The following SLC16A7 variants were observed in gnomAD, a reference collection of about 807,000 sequenced individuals.
The protein encoded by SLC16A7 is monocarboxylate transporter 2.
Under a neutral mutation model 34.9 loss-of-function variants are expected in SLC16A7, and 33 were observed. That is an observed-to-expected ratio of 0.94 (90% CI 0.72 to 1.26). The LOEUF is 1.26. Ranked by LOEUF, SLC16A7 falls within the 50% of genes most tolerant of loss-of-function variation. SLC16A7 has a pLI of 0.00. For missense variants in SLC16A7, 573 were observed against 578.1 expected, an observed-to-expected ratio of 0.99 and a Z score of 0.09; for synonymous variants, 201 against 206.6, an observed-to-expected ratio of 0.97 and a Z score of 0.23.
chr12:59,758,833 G>T (rs1880694198), intron 3 of SLC16A7, among the ~76,000 whole-genome samples: 1 of 152,006 alleles, frequency 6.6e-6, no homozygotes, highest in South Asian at 2.1e-4. Flanking sequence ...ATCAATTTAT[G>T]ACAAATTCAT....
At chr12:59,634,223 G>A (rs192329761) in intron 1 of SLC16A7, among the ~76,000 whole-genome samples, 73 of 152,130 alleles carry the variant, frequency 4.8e-4, no homozygotes, top group Non-Finnish European at 9.7e-4. Context: ...GTAGCAGCAT[G>A]CACACTGTGT....
intron 5 of SLC16A7, among the ~76,000 whole-genome samples, chr12:59,776,985 A>C (rs1417349220): frequency 2.0e-5 from 3 of 152,144 alleles, no homozygotes; most frequent in Non-Finnish European, 4.4e-5. Flanking sequence ...TCTTATCCAC[A>C]CAATTCTTAG....
In SLC16A7 at chr12:59,789,244, T is replaced by C. The variant is rs1464275344; in HGVS notation, c.*9565T>C. Reference sequence around the variant, plus strand: ...GATTATTAAAATGCTACTACAGTATTCTACGATGCAGGCTGAATGTATATT... The same window carrying C: ...GATTATTAAAATGCTACTACAGTATCCTACGATGCAGGCTGAATGTATATT... On this transcript the variant is annotated 3_prime_UTR_variant, in exon 6 of 6. Coordinates refer to ENST00000547379, the MANE Select transcript of SLC16A7 (RefSeq NM_001270623.2). 6.6e-6 allele frequency: 1 copy of C among 152,146 alleles called. No homozygotes were observed. The highest frequency in any genetic ancestry group is 1.5e-5 in the Non-Finnish European group (1 of 67,982). The allele number at this position is 152,146 out of a possible 1,614,324, so 9.4% of individuals were successfully genotyped here.
chr12:59,699,496 G>C (rs1872652774), intron 2 of SLC16A7, among the ~76,000 whole-genome samples: 1 of 151,676 alleles, frequency 6.6e-6, no homozygotes, highest in African/African-American at 2.4e-5. Context: ...TGGTTTCAGT[G>C]TAAATTTCTA....
intron 2 of SLC16A7, among the ~76,000 whole-genome samples, chr12:59,691,106 G>T (rs1410848142): frequency 2.0e-5 from 3 of 151,982 alleles, no homozygotes; most frequent in Non-Finnish European, 1.5e-5. Context: ...AATATTTAAA[G>T]ATTTCAAAAT....
Position 59,732,324 on chromosome 12 carries a change from G to A in SLC16A7, c.217+27306G>A, listed in dbSNP as rs189083558. Among the ~76,000 whole-genome samples, 78 of 152,220 alleles carry A rather than the reference G, an allele frequency of 5.1e-4. 2 individuals carry two copies. Among genetic ancestry groups the A allele is most frequent in the Admixed American group, 4.6e-3 (70 of 15,288 alleles). On this transcript the variant is annotated intron_variant, in intron 3 of 5. Coordinates refer to ENST00000547379, the MANE Select transcript of SLC16A7 (RefSeq NM_001270623.2). The stretch of plus-strand genomic sequence containing the variant: ...AATCCCAGCTACTTGGGAGGCTGAG[G>A]CAGAAGAATTGCTTGAACCTGGGAG...
chr12:59,742,689 C>T (rs1423244134), intron 3 of SLC16A7, among the ~76,000 whole-genome samples: 1 of 152,296 alleles, frequency 6.6e-6, no homozygotes, highest in Non-Finnish European at 1.5e-5. Flanking sequence ...AAGAGAAACA[C>T]TTATCAAAAT....
rs570990798 is a variant in SLC16A7, at chr12:59,784,115, C to T, written c.*4436C>T. The T allele has an allele frequency of 1.2e-4, 19 of 152,172 alleles. No individual in the cohort carries two copies. The highest frequency in any genetic ancestry group is 4.6e-4 in the African/African-American group (19 of 41,500). The allele number at this position is 152,172 out of a possible 1,614,324, so 9.4% of individuals were successfully genotyped here. A position where few individuals can be genotyped will look rare whatever the true frequency, so the allele number is the denominator to read the frequency against. ...AAAATAATGACATATTTGAGTCAGG[C>T]ATAATACATTTTTTCTGAGGTTGGA... is the stretch of plus-strand genomic sequence containing the variant. On this transcript the variant is annotated 3_prime_UTR_variant, in exon 6 of 6. Coordinates refer to ENST00000547379, the MANE Select transcript of SLC16A7 (RefSeq NM_001270623.2).
At chr12:59,667,256 A>C (rs960875741) in intron 2 of SLC16A7, among the ~76,000 whole-genome samples, 1 of 152,170 alleles carries the variant, frequency 6.6e-6, no homozygotes, top group African/African-American at 2.4e-5. Context: ...ACACAGCCAA[A>C]CCATATCAGG....
Position 59,614,754 on chromosome 12 carries a change from C to T in SLC16A7, c.-130+18518C>T, listed in dbSNP as rs573133360. ...AATCCCACCCAGCACTTTGGGAGGCCGAAGCGGGTGGATCACGAGGTCAGG... is the reference window on the plus strand; with the variant it reads ...AATCCCACCCAGCACTTTGGGAGGCTGAAGCGGGTGGATCACGAGGTCAGG... On this transcript the variant is annotated intron_variant, in intron 1 of 5. Transcript: ENST00000547379. Among the ~76,000 whole-genome samples the T allele has an allele frequency of 2.0e-3, 285 of 141,248 alleles. 1 individual carries two copies. The highest frequency in any genetic ancestry group is 7.3e-3 in the African/African-American group (275 of 37,612). The allele number at this position is 141,248 out of a possible 152,430, so 92.7% of individuals were successfully genotyped here.
At chr12:59,626,423 A>G (rs1293693805) in intron 1 of SLC16A7, among the ~76,000 whole-genome samples, 1 of 151,802 alleles carries the variant, frequency 6.6e-6, no homozygotes, top group Non-Finnish European at 1.5e-5. Flanking sequence ...ATGGTCCTTT[A>G]CAATGAACCA....
At chr12:59,767,513 T>G (rs1348402356) in intron 3 of SLC16A7, among the ~76,000 whole-genome samples, 1 of 152,104 alleles carries the variant, frequency 6.6e-6, no homozygotes, top group Non-Finnish European at 1.5e-5. Context: ...TCATTTACTA[T>G]TCTGCAAAAT....
chr12:59,775,443 G>A lies in SLC16A7; in HGVS notation c.1148G>A (p.Cys383Tyr). 6.2e-7 allele frequency: 1 copy of A among 1,614,014 alleles called. No individual in the cohort carries two copies. The highest frequency in any genetic ancestry group is 8.5e-7 in the Non-Finnish European group (1 of 1,179,926). Reference protein sequence around the residue: ...SAVGLVTIVECGPVLLGPPLA... With the variant: ...SAVGLVTIVEYGPVLLGPPLA... ...GTCGGACTTGTCACAATTGTGGAGTGTGGCCCAGTTCTTCTTGGCCCTCCT... is the reference window on the plus strand; with the variant it reads ...GTCGGACTTGTCACAATTGTGGAGTATGGCCCAGTTCTTCTTGGCCCTCCT... Residue 383 changes from cysteine to tyrosine, a missense_variant, in exon 5 of 6, where the codon TGT (cysteine) becomes TAT (tyrosine). Transcript: ENST00000547379.
At chr12:59,622,296 C>T (rs2136982210) in intron 1 of SLC16A7, among the ~76,000 whole-genome samples, 1 of 151,872 alleles carries the variant, frequency 6.6e-6, no homozygotes, top group Non-Finnish European at 1.5e-5. Flanking sequence ...CCCGAGTACT[C>T]TTGGTAATTT....
At chr12:59,623,046 CTGTGTG>C (rs57399813) in intron 1 of SLC16A7, among the ~76,000 whole-genome samples, 5,501 of 134,914 alleles carry the variant, frequency 0.041, 205 homozygotes, top group African/African-American at 0.1. Flanking sequence ...CTACTGAATG[CTGTGTG>C]TGTGTGTGTG....
At chr12:59,661,349 G>T (rs1047021369) in intron 2 of SLC16A7, among the ~76,000 whole-genome samples, 16 of 152,038 alleles carry the variant, frequency 1.1e-4, no homozygotes, top group African/African-American at 3.9e-4. Flanking sequence ...ACAAGGATTG[G>T]CAACTTGGGT....
intron 2 of SLC16A7, among the ~76,000 whole-genome samples, chr12:59,699,696 T>C (rs958606720): frequency 4.0e-5 from 6 of 151,770 alleles, no homozygotes; most frequent in Admixed American, 6.6e-5. Flanking sequence ...AGAAATGACA[T>C]ATGGTCAATC....
chr12:59,684,207 A>G (rs114439848), intron 2 of SLC16A7, among the ~76,000 whole-genome samples: 9,563 of 152,270 alleles, frequency 0.063, 319 homozygotes, highest in Middle Eastern at 0.15. Context: ...AGAAATATAC[A>G]CATTTTGTAG....
chr12:59,605,488 A>G (rs536279094), intron 1 of SLC16A7, among the ~76,000 whole-genome samples: 2 of 152,314 alleles, frequency 1.3e-5, no homozygotes, highest in Admixed American at 6.5e-5. Context: ...AGATGGGTAT[A>G]TATCAAATTT....
Sources: gnomAD v4.1 joint callset for allele counts (sites outside exome capture counted in the v4.1 genomes callset) on GRCh38, gnomAD v4.1.1 for gene constraint, MANE v1.5 for transcripts, NCBI Gene and HGNC (gene_info 2026-07-23, HGNC 2026-07-21) for gene names.